BCR: variants seen among roughly 807,000 people sequenced by gnomAD.
BCR encodes BCR activator of RhoGEF and GTPase, also known as breakpoint cluster region protein.
A neutral mutation model predicts 138.6 loss-of-function variants in BCR; 58 were observed. That is an observed-to-expected ratio of 0.42 (90% CI 0.34 to 0.52). BCR has a LOEUF of 0.52. Among genes scored for constraint, BCR ranks in the 20% least tolerant of loss-of-function variants. The pLI is 0.06. For synonymous variants in BCR, 786 were observed against 730.1 expected, an observed-to-expected ratio of 1.08 and a Z score of -1.23; for missense variants, 1,599 against 1,727.2, an observed-to-expected ratio of 0.93 and a Z score of 1.32.
intron 1 of BCR, among the ~76,000 whole-genome samples, chr22:23,240,302 C>CGTGTGTGTGTGTGTGTGTGTGTGT (rs200491524): frequency 6.9e-6 from 1 of 144,020 alleles, no homozygotes; most frequent in African/African-American, 2.6e-5. Context: ...CCTGGCTGAT[C>CGTGTGTGTGTGTGTGTGTGTGTGT]GTGTGTGTGT....
Position 23,264,190 on chromosome 22 carries a change from T to C in BCR, c.1752+2650T>C, listed in dbSNP as rs192877762. On this transcript the variant is annotated intron_variant, in intron 4 of 22. Coordinates refer to ENST00000305877, the MANE Select transcript of BCR (RefSeq NM_004327.4). ...CACTTGCTTGCCACAGGTTCCTCCT[T>C]CTATAGCGTTGTACGGCTGTGGGAC... 4.7e-6 allele frequency: 6 copies of C among 1,276,604 alleles called. No homozygotes were observed. The East Asian group carries it at 9.3e-5, about 20-fold the overall frequency. 79.1% of individuals were successfully genotyped at this position (1,276,604 alleles called of 1,614,324 possible).
intron 21 of BCR, 105 bp from the exon 22 acceptor site, chr22:23,314,447 G>A: frequency 1.5e-6 from 2 of 1,319,344 alleles, no homozygotes; most frequent in Non-Finnish European, 2.1e-6. Context: ...AGCACAGCCA[G>A]GGTCGAGGTC....
intron 4 of BCR, among the ~76,000 whole-genome samples, chr22:23,265,807 C>G (rs970715736): frequency 6.6e-6 from 1 of 152,152 alleles, no homozygotes; most frequent in Admixed American, 6.5e-5. Flanking sequence ...AAGTTTTCCC[C>G]CTGAATACTT....
chr22:23,247,898 C>T (rs76092802), intron 1 of BCR, among the ~76,000 whole-genome samples: 5,786 of 152,324 alleles, frequency 0.038, 144 homozygotes, highest in Middle Eastern at 0.092. Context: ...AAATGTCCTT[C>T]CTTTTTAAGG....
intron 8 of BCR, among the ~76,000 whole-genome samples, chr22:23,274,450 A>C (rs1408215879): frequency 6.6e-6 from 1 of 152,228 alleles, no homozygotes; most frequent in African/African-American, 2.4e-5. Flanking sequence ...AGAACAGCCA[A>C]GGCGTGTAAG....
Position 23,181,524 on chromosome 22 carries a change from G to C in BCR, c.564G>C (p.Leu188=). 1 of 1,612,918 alleles carries C rather than the reference G, an allele frequency of 6.2e-7. No individual in the cohort carries two copies. Among genetic ancestry groups the C allele is most frequent in the Non-Finnish European group, 8.5e-7 (1 of 1,179,914 alleles). Residue 188 remains leucine (L), a synonymous_variant, in exon 1 of 23, where the codon CTG becomes CTC. Transcript: ENST00000305877. ...VNVEFHHERG[L]VKVNDKEVSD... Reference sequence around the variant, plus strand: ...TCGAGTTTCACCACGAGCGCGGCCTGGTGAAGGTCAACGACAAAGAGGTGT... The same window carrying C: ...TCGAGTTTCACCACGAGCGCGGCCTCGTGAAGGTCAACGACAAAGAGGTGT...
intron 16 of BCR, among the ~76,000 whole-genome samples, chr22:23,305,679 C>T (rs1224935817): frequency 6.6e-6 from 1 of 152,208 alleles, no homozygotes; most frequent in African/African-American, 2.4e-5. Context: ...CTGCCAGGCC[C>T]GCTGACCATA....
chr22:23,299,817 A>G (rs1015244041), intron 16 of BCR, among the ~76,000 whole-genome samples: 10 of 152,018 alleles, frequency 6.6e-5, no homozygotes, highest in Non-Finnish European at 1.3e-4. Context: ...TGAAGTTCCC[A>G]GGGGTGGCTG....
At position 23,271,339 on chromosome 22, in the gene BCR, C is replaced by T. The variant is rs569555465; in HGVS notation, c.1861-193C>T. Among the ~76,000 whole-genome samples the T allele has an allele frequency of 2.0e-5, 3 of 152,372 alleles. No individual in the cohort carries two copies. In the East Asian group the frequency reaches 5.8e-4, roughly 29 times the overall value. On this transcript the variant is annotated intron_variant, in intron 5 of 22. Coordinates refer to ENST00000305877, the MANE Select transcript of BCR (RefSeq NM_004327.4). Reference sequence around the variant, plus strand: ...GAGAAGCCCTGTCCCAGGTGGACCGCAGCATCCAGGGCATCCTGCGTGCTC... The same window carrying T: ...GAGAAGCCCTGTCCCAGGTGGACCGTAGCATCCAGGGCATCCTGCGTGCTC...
Position 23,287,145 on chromosome 22 carries a change from G to T in BCR, c.2407-14G>T, listed in dbSNP as rs745761932. The T allele has an allele frequency of 6.4e-7, 1 of 1,574,618 alleles. No individual in the cohort carries two copies. The highest frequency in any genetic ancestry group is 8.6e-7 in the Non-Finnish European group (1 of 1,159,294). On this transcript the variant is annotated splice_polypyrimidine_tract_variant and intron_variant, in intron 10 of 22. Coordinates refer to ENST00000305877, the MANE Select transcript of BCR (RefSeq NM_004327.4). ...GCTGGAATGGGAAGGTGAGGCTGTG[G>T]CATCTCCCCACAGAGGGCGAACAAG... is the stretch of plus-strand genomic sequence containing the variant.
chr22:23,232,959 T>C (rs1260895169), intron 1 of BCR, among the ~76,000 whole-genome samples: 3 of 152,130 alleles, frequency 2.0e-5, no homozygotes, highest in African/African-American at 7.2e-5. Context: ...GCTGAGACAT[T>C]TTTCTGCGAG....
intron 2 of BCR, among the ~76,000 whole-genome samples, chr22:23,254,808 T>A (rs2073274604): frequency 6.6e-6 from 1 of 152,184 alleles, no homozygotes. Flanking sequence ...GTTGCTCCTT[T>A]TTGTCTTTTT....
chr22:23,282,084 C>T (rs1278676656), intron 8 of BCR, among the ~76,000 whole-genome samples: 3 of 152,268 alleles, frequency 2.0e-5, no homozygotes, highest in Non-Finnish European at 4.4e-5. Context: ...AGGAAGGCGC[C>T]TGAGACCCCT....
rs80197628 is a variant in BCR, at chr22:23,229,950, T to C, written c.1280-23849T>C. Reference sequence around the variant, plus strand: ...TCTGTGGGGAGAGGAATGGACACGTTGTTTGTGCTGGGGAAAGGTGGATAA... The same window carrying C: ...TCTGTGGGGAGAGGAATGGACACGTCGTTTGTGCTGGGGAAAGGTGGATAA... On this transcript the variant is annotated intron_variant, in intron 1 of 22. Transcript: ENST00000305877. Among the ~76,000 whole-genome samples, 453 of 152,132 alleles carry C rather than the reference T, an allele frequency of 3.0e-3. 1 individual carries two copies. The highest frequency in any genetic ancestry group is 0.01 in the African/African-American group (434 of 41,508).
At position 23,315,741 on chromosome 22, in the gene BCR, A is replaced by G. The variant is rs1602140183; in HGVS notation, c.*219A>G. ...GGCTGGCCTCAGACTGTGGTTTTTT[A>G]TGTGGCCACCTGAGGGCGCCCCAAG... On this transcript the variant is annotated 3_prime_UTR_variant, in exon 23 of 23. Coordinates refer to ENST00000305877, the MANE Select transcript of BCR (RefSeq NM_004327.4). The G allele has an allele frequency of 4.5e-5, 29 of 641,054 alleles. 1 individual carries two copies. Among genetic ancestry groups the G allele is most frequent in the South Asian group, 4.5e-4 (29 of 64,870 alleles). 39.7% of individuals were successfully genotyped at this position (641,054 alleles called of 1,614,324 possible).
chr22:23,262,989 G>T (rs1056003388), intron 4 of BCR: 2 of 883,346 alleles, frequency 2.3e-6, no homozygotes, highest in Non-Finnish European at 3.1e-6. Context: ...TGAGGGGAGC[G>T]TAGGGGCCGG....
At chr22:23,296,544 G>C (rs1475952246) in intron 16 of BCR, among the ~76,000 whole-genome samples, 1 of 152,128 alleles carries the variant, frequency 6.6e-6, no homozygotes, top group Non-Finnish European at 1.5e-5. Flanking sequence ...GGCCTGGCTG[G>C]CCACATCTTC....
chr22:23,281,698 G>A (rs2073647446), intron 8 of BCR, among the ~76,000 whole-genome samples: 1 of 152,166 alleles, frequency 6.6e-6, no homozygotes, highest in Admixed American at 6.5e-5. Flanking sequence ...TGGGGAGTCT[G>A]TGGCAGCATC....
chr22:23,272,137 C>A (rs564532489), intron 6 of BCR, among the ~76,000 whole-genome samples: 11 of 152,226 alleles, frequency 7.2e-5, no homozygotes, highest in Non-Finnish European at 1.5e-4. Flanking sequence ...ATTTTATTTT[C>A]TGTTTTTGCC....
Sources: gnomAD v4.1 joint callset for allele counts (sites outside exome capture counted in the v4.1 genomes callset) on GRCh38, gnomAD v4.1.1 for gene constraint, MANE v1.5 for transcripts, NCBI Gene and HGNC (gene_info 2026-07-23, HGNC 2026-07-21) for gene names.